The following FGGY variants were observed in gnomAD, a reference collection of about 807,000 sequenced individuals.
FGGY encodes the protein FGGY carbohydrate kinase domain containing, also known as FGGY carbohydrate kinase domain-containing protein.
A neutral mutation model predicts 71.3 loss-of-function variants in FGGY; 72 were observed. The ratio of observed to expected loss-of-function variants is 1.01; its 90% CI spans 0.84 to 1.23. FGGY has a LOEUF of 1.23. Among genes scored for constraint, FGGY ranks in the 50% most tolerant of loss-of-function variants. The pLI is 0.00. For missense variants in FGGY, 668 were observed against 682.3 expected (o/e 0.98, Z 0.23); for synonymous variants, 251 against 250.3 (o/e 1.00, Z -0.02).
At chr1:59,535,554 T>C (rs1395806917) in intron 7 of FGGY, among the ~76,000 whole-genome samples, 1 of 152,008 alleles carries the variant, frequency 6.6e-6, no homozygotes, top group Non-Finnish European at 1.5e-5. Flanking sequence ...ACACCACACC[T>C]ATTCCAAAAT....
intron 3 of FGGY, 131 bp from the exon 4 acceptor site, chr1:59,346,116 T>A: frequency 7.4e-6 from 9 of 1,209,700 alleles, no homozygotes; most frequent in Non-Finnish European, 1.0e-5. Flanking sequence ...TGTCCTTTCA[T>A]TTTGCACACT....
chr1:59,300,847 A>G (rs1232080231), intron 1 of FGGY, among the ~76,000 whole-genome samples: 1 of 152,232 alleles, frequency 6.6e-6, no homozygotes, highest in East Asian at 1.9e-4. Flanking sequence ...GTCTATTTTA[A>G]TGCGAACACC....
intron 5 of FGGY, among the ~76,000 whole-genome samples, chr1:59,397,853 A>G (rs2061500795): frequency 6.6e-6 from 1 of 152,170 alleles, no homozygotes; most frequent in South Asian, 2.1e-4. Context: ...TCAGACTTCA[A>G]AGGGAGCTCA....
chr1:59,462,081 GT>G (rs1408879503), intron 6 of FGGY, among the ~76,000 whole-genome samples: 1 of 151,830 alleles, frequency 6.6e-6, no homozygotes, highest in Admixed American at 6.6e-5. Context: ...GCAGTGTTTG[GT>G]TTTTTGTCCT....
intron 4 of FGGY, among the ~76,000 whole-genome samples, chr1:59,369,356 G>T (rs997273892): frequency 6.6e-6 from 1 of 152,350 alleles, no homozygotes; most frequent in South Asian, 2.1e-4. Context: ...AGCGAGGCTG[G>T]GGGAGGAGCG....
intron 3 of FGGY, among the ~76,000 whole-genome samples, chr1:59,344,581 T>G (rs888892586): frequency 6.6e-6 from 1 of 152,140 alleles, no homozygotes; most frequent in African/African-American, 2.4e-5. Flanking sequence ...CAATCCTTCC[T>G]CTGTATCTGA....
chr1:59,745,234 A>G (rs538490796), intron 14 of FGGY, among the ~76,000 whole-genome samples: 34 of 152,328 alleles, frequency 2.2e-4, no homozygotes, highest in Non-Finnish European at 4.4e-4. Flanking sequence ...CAGAATATCT[A>G]GGCCCCACTA....
chr1:59,503,729 G>A (rs534874944), intron 6 of FGGY, among the ~76,000 whole-genome samples: 1 of 150,606 alleles, frequency 6.6e-6, no homozygotes, highest in South Asian at 2.1e-4. Flanking sequence ...ATGAGAGTTA[G>A]CAGGAATCAT....
intron 8 of FGGY, among the ~76,000 whole-genome samples, chr1:59,596,493 T>C (rs1012586697): frequency 4.0e-5 from 6 of 151,728 alleles, no homozygotes; most frequent in Non-Finnish European, 8.8e-5. Context: ...AGGAAGGATA[T>C]GGACTTGTGA....
At chr1:59,467,573 T>A (rs1378754466) in intron 6 of FGGY, among the ~76,000 whole-genome samples, 1 of 152,202 alleles carries the variant, frequency 6.6e-6, no homozygotes, top group Non-Finnish European at 1.5e-5. Context: ...CATTTCCCTG[T>A]AGGCTACATC....
intron 1 of FGGY, among the ~76,000 whole-genome samples, chr1:59,304,422 G>A (rs1243950503): frequency 6.6e-6 from 1 of 152,026 alleles, no homozygotes; most frequent in Non-Finnish European, 1.5e-5. Context: ...GGTTCCATTA[G>A]TGTATATGTC....
At chr1:59,727,337 G>C (rs2097959939) in intron 14 of FGGY, among the ~76,000 whole-genome samples, 1 of 152,264 alleles carries the variant, frequency 6.6e-6, no homozygotes, top group Admixed American at 6.5e-5. Context: ...ATTATGAATA[G>C]CATGGCAATG....
At chr1:59,571,908 A>T (rs923652639) in intron 8 of FGGY, among the ~76,000 whole-genome samples, 11 of 152,302 alleles carry the variant, frequency 7.2e-5, no homozygotes, top group African/African-American at 2.4e-4. Context: ...AATGTCTTTT[A>T]AAAAATGCCT....
At chr1:59,449,877 G>T (rs572662841) in intron 5 of FGGY, among the ~76,000 whole-genome samples, 1 of 152,268 alleles carries the variant, frequency 6.6e-6, no homozygotes, top group South Asian at 2.1e-4. Flanking sequence ...GGCTCAGGTG[G>T]CAGGATTCCT....
At chr1:59,564,826 G>A (rs528662092) in intron 8 of FGGY, among the ~76,000 whole-genome samples, 2 of 152,296 alleles carry the variant, frequency 1.3e-5, no homozygotes, top group Admixed American at 1.3e-4. Context: ...CTAGGAACAC[G>A]GCAAAGTCAG....
rs145924953 is a variant in FGGY at position 59,646,125 on chromosome 1, G to T, written c.1221+7750G>T. Among the ~76,000 whole-genome samples the T allele has an allele frequency of 1.1e-4, 16 of 152,308 alleles. No individual in the cohort carries two copies. In the South Asian group the frequency reaches 3.3e-3, roughly 32 times the overall value. On this transcript the variant is annotated intron_variant, in intron 11 of 15. Transcript: ENST00000303721. ...AAGGAGTCAGCAACTCAGGGTATCTGCAAGAGCTCAATAGAGAGCAGAGGT... is the reference window on the plus strand; with the variant it reads ...AAGGAGTCAGCAACTCAGGGTATCTTCAAGAGCTCAATAGAGAGCAGAGGT...
At chr1:59,682,222 C>G (rs2097507390) in intron 14 of FGGY, among the ~76,000 whole-genome samples, 3 of 152,158 alleles carry the variant, frequency 2.0e-5, no homozygotes, top group Admixed American at 2.0e-4. Context: ...AAGTACTAGC[C>G]TGGGATTCCC....
At chr1:59,542,133 T>C (rs1019877723) in intron 7 of FGGY, among the ~76,000 whole-genome samples, 7 of 152,186 alleles carry the variant, frequency 4.6e-5, no homozygotes, top group Non-Finnish European at 8.8e-5. Context: ...TAAAGAAGGC[T>C]TCTTAGGCCC....
rs528596103 is a variant in FGGY at position 59,351,120 on chromosome 1, T to A, written c.465+4722T>A. Among the ~76,000 whole-genome samples, 4 of 152,320 alleles carry A rather than the reference T, an allele frequency of 2.6e-5. No homozygotes were observed. In the South Asian group the frequency reaches 6.2e-4, roughly 24 times the overall value. On this transcript the variant is annotated intron_variant, in intron 4 of 15. Transcript: ENST00000303721. ...AAATTAAAATTTTAGTGGCCGTAAG[T>A]AAAGTTTGATTGGAACACAGCCACA...
Sources: gnomAD v4.1 joint callset for allele counts (sites outside exome capture counted in the v4.1 genomes callset) on GRCh38, gnomAD v4.1.1 for gene constraint, MANE v1.5 for transcripts, NCBI Gene and HGNC (gene_info 2026-07-23, HGNC 2026-07-21) for gene names.